The following KCNT2 variants were observed in gnomAD, a reference collection of about 807,000 sequenced individuals.
KCNT2 encodes the protein potassium sodium-activated channel subfamily T member 2.
KCNT2 carries 67 observed loss-of-function variants against 153.8 expected under a neutral mutation model. That is an observed-to-expected ratio of 0.44 (90% CI 0.36 to 0.53). The LOEUF is 0.53. Ranked by LOEUF, KCNT2 falls within the 20% of genes least tolerant of loss-of-function variation. The pLI is 0.00. For synonymous variants in KCNT2, 500 were observed against 458.8 expected (o/e 1.09, Z -1.15); for missense variants, 975 against 1,354.8 (o/e 0.72, Z 4.40).
intron 5 of KCNT2, among the ~76,000 whole-genome samples, chr1:196,472,046 T>C (rs535673556): frequency 1.3e-5 from 2 of 152,298 alleles, no homozygotes; most frequent in South Asian, 4.1e-4. Flanking sequence ...TTTATGCTTG[T>C]AGACTTTTGC....
chr1:196,580,438 T>C (rs988236947), intron 1 of KCNT2, among the ~76,000 whole-genome samples: 2 of 152,140 alleles, frequency 1.3e-5, no homozygotes, highest in Non-Finnish European at 2.9e-5. Context: ...AGGTACACTG[T>C]CTGATGTGTT....
At chr1:196,348,399 C>T (rs1343523886) in intron 14 of KCNT2, among the ~76,000 whole-genome samples, 3 of 152,058 alleles carry the variant, frequency 2.0e-5, no homozygotes, top group Non-Finnish European at 4.4e-5. Flanking sequence ...GATGTGTTTA[C>T]AGCAACTAAA....
chr1:196,383,495 C>T (rs896349021), intron 13 of KCNT2, among the ~76,000 whole-genome samples: 9 of 152,106 alleles, frequency 5.9e-5, no homozygotes, highest in African/African-American at 1.7e-4. Context: ...CTTTGAATAA[C>T]ACTGCATTAG....
At chr1:196,477,176 T>A (rs1276429365) in intron 5 of KCNT2, among the ~76,000 whole-genome samples, 9 of 151,704 alleles carry the variant, frequency 5.9e-5, no homozygotes, top group African/African-American at 1.7e-4. Context: ...TAATGAGAAT[T>A]AAAAAAGAAA....
intron 25 of KCNT2, among the ~76,000 whole-genome samples, chr1:196,274,428 G>A (rs1241552944): frequency 6.6e-6 from 1 of 151,474 alleles, no homozygotes; most frequent in African/African-American, 2.4e-5. Context: ...AACTATTTCA[G>A]GATTCCTTAC....
chr1:196,385,190 C>A (rs1156617626), intron 13 of KCNT2, among the ~76,000 whole-genome samples: 1 of 152,124 alleles, frequency 6.6e-6, no homozygotes, highest in Non-Finnish European at 1.5e-5. Context: ...TCAACCACCC[C>A]AAACAGCCCA....
intron 3 of KCNT2, 76 bp from the exon 4 acceptor site, chr1:196,482,455 G>C: frequency 1.3e-6 from 1 of 766,140 alleles, no homozygotes; most frequent in Non-Finnish European, 2.0e-6. Flanking sequence ...AGTTAAAGTT[G>C]GAAATATTAA....
intron 8 of KCNT2, among the ~76,000 whole-genome samples, chr1:196,442,954 C>CAT (rs1233750317): frequency 2.6e-5 from 4 of 151,516 alleles, no homozygotes; most frequent in Admixed American, 6.6e-5. Context: ...GTAAGCCACA[C>CAT]ATACATATAT....
chr1:196,274,054 T>C (rs1028739760), intron 25 of KCNT2, among the ~76,000 whole-genome samples: 8 of 151,672 alleles, frequency 5.3e-5, no homozygotes, highest in African/African-American at 1.9e-4. Flanking sequence ...TATTTTTTAA[T>C]TTCAGATCTT....
At chr1:196,578,351 A>G (rs1015517982) in intron 1 of KCNT2, among the ~76,000 whole-genome samples, 1 of 152,124 alleles carries the variant, frequency 6.6e-6, no homozygotes, top group Non-Finnish European at 1.5e-5. Flanking sequence ...TCACTCAGGG[A>G]ACTGGGAGCC....
At chr1:196,466,669 A>G (rs926859491) in intron 7 of KCNT2, among the ~76,000 whole-genome samples, 1 of 152,048 alleles carries the variant, frequency 6.6e-6, no homozygotes, top group African/African-American at 2.4e-5. Flanking sequence ...ATATAATTTC[A>G]TTTGATTATC....
At chr1:196,332,331 T>C (rs1214826549) in intron 17 of KCNT2, among the ~76,000 whole-genome samples, 1 of 152,172 alleles carries the variant, frequency 6.6e-6, no homozygotes, top group Non-Finnish European at 1.5e-5. Flanking sequence ...TCAGTCGCAC[T>C]CCAAAACACT....
intron 25 of KCNT2, among the ~76,000 whole-genome samples, chr1:196,276,056 T>C (rs1658537797): frequency 6.6e-6 from 1 of 152,044 alleles, no homozygotes; most frequent in Non-Finnish European, 1.5e-5. Context: ...TCTCTCTCTG[T>C]TTCTATAGAA....
chr1:196,431,662 C>A (rs1198405499), intron 8 of KCNT2, among the ~76,000 whole-genome samples: 1 of 152,008 alleles, frequency 6.6e-6, no homozygotes, highest in Non-Finnish European at 1.5e-5. Context: ...GAATACGTAG[C>A]AGAAGAAATC....
chr1:196,589,057 G>A (rs59761558), intron 1 of KCNT2, among the ~76,000 whole-genome samples: 38 of 151,830 alleles, frequency 2.5e-4, no homozygotes, highest in African/African-American at 8.9e-4. Flanking sequence ...AAATAAACAC[G>A]ATATATTCAT....
rs529795151 is a variant in KCNT2, at chr1:196,564,553, C to T, written c.95+43662G>A. 1.3e-4 allele frequency among the ~76,000 whole-genome samples: 20 copies of T among 151,342 alleles called. No individual in the cohort carries two copies. In the East Asian group the frequency reaches 3.5e-3, roughly 26 times the overall value. Reference sequence around the variant, plus strand: ...CACAAAAAGTCAACTCAATCTTCAGCAAAAAGAAAAAAAGTCAAAGGAACC... The same window carrying T: ...CACAAAAAGTCAACTCAATCTTCAGTAAAAAGAAAAAAAGTCAAAGGAACC... On this transcript the variant is annotated intron_variant, in intron 1 of 27. Coordinates refer to ENST00000294725, the MANE Select transcript of KCNT2 (RefSeq NM_198503.5).
intron 1 of KCNT2, among the ~76,000 whole-genome samples, chr1:196,544,426 C>T (rs1656799393): frequency 6.6e-6 from 1 of 151,896 alleles, no homozygotes; most frequent in South Asian, 2.1e-4. Flanking sequence ...CGAATGTTTA[C>T]TCTATTCTTG....
At chr1:196,413,516 CAGATAACT>C (rs1375329569) in intron 12 of KCNT2, among the ~76,000 whole-genome samples, 1 of 151,506 alleles carries the variant, frequency 6.6e-6, no homozygotes, top group Non-Finnish European at 1.5e-5. Context: ...AAGATTTTTG[CAGATAACT>C]AGCATTATGA....
chr1:196,235,846 G>C (rs539347760), intron 27 of KCNT2, 140 bp downstream of exon 27: 4 of 519,508 alleles, frequency 7.7e-6, no homozygotes, highest in East Asian at 6.2e-5. Context: ...AAATGCATTT[G>C]TTTATTTATA....
Sources: gnomAD v4.1 joint callset for allele counts (sites outside exome capture counted in the v4.1 genomes callset) on GRCh38, gnomAD v4.1.1 for gene constraint, MANE v1.5 for transcripts, NCBI Gene and HGNC (gene_info 2026-07-23, HGNC 2026-07-21) for gene names.